SMYD2: variants seen among roughly 807,000 people sequenced by gnomAD.
SMYD2 encodes the protein SET and MYND domain containing 2.
A neutral mutation model predicts 59.1 loss-of-function variants in SMYD2; 53 were observed. The observed-to-expected ratio is 0.90, with a 90% confidence interval of 0.72 to 1.13. SMYD2 has a LOEUF of 1.13. SMYD2 is among the 50% of genes most tolerant of loss of function. The probability of loss-of-function intolerance (pLI) is 0.00; values close to 1 mark genes in which losing one functional copy is unlikely to be tolerated. For missense variants in SMYD2, 494 were observed against 544.7 expected, an observed-to-expected ratio of 0.91 and a Z score of 0.93; for synonymous variants, 208 against 198.8, an observed-to-expected ratio of 1.05 and a Z score of -0.39.
At chr1:214,300,326 T>C (rs1208259075) in intron 1 of SMYD2, among the ~76,000 whole-genome samples, 4 of 152,118 alleles carry the variant, frequency 2.6e-5, no homozygotes, top group Non-Finnish European at 5.9e-5. Context: ...ACATGTAGGC[T>C]CACGATACTG....
chr1:214,334,419 C>A, intron 11 of SMYD2, 111 bp downstream of exon 11: 2 of 960,428 alleles, frequency 2.1e-6, no homozygotes, highest in Non-Finnish European at 1.6e-6. Flanking sequence ...GTGAGCAGCT[C>A]TCACCCACCC....
Position 214,311,241 on chromosome 1 carries a change from A to T in SMYD2, c.238-3521A>T, listed in dbSNP as rs574186671. Among the ~76,000 whole-genome samples, 6 of 152,310 alleles carry T rather than the reference A, an allele frequency of 3.9e-5. No individual in the cohort carries two copies. The South Asian group carries it at 1.2e-3, about 32-fold the overall frequency. ...ATGAATGAATGAATGAGCAATTACC[A>T]ATGTTTCAGAGCGCAGCCTGTGCCG... On this transcript the variant is annotated intron_variant, in intron 2 of 11. Transcript: ENST00000366957.
intron 6 of SMYD2, among the ~76,000 whole-genome samples, chr1:214,325,522 A>G (rs1342241378): frequency 6.6e-6 from 1 of 152,214 alleles, no homozygotes; most frequent in Non-Finnish European, 1.5e-5. Flanking sequence ...AGGTTGCCAC[A>G]TAGGTAGGAA....
chr1:214,285,615 G>C (rs1020875183), intron 1 of SMYD2, among the ~76,000 whole-genome samples: 2 of 152,262 alleles, frequency 1.3e-5, no homozygotes, highest in Admixed American at 1.3e-4. Context: ...TGCCATTAAA[G>C]AATGCAAAAT....
chr1:214,334,474 G>A (rs144224071), intron 11 of SMYD2, among the ~76,000 whole-genome samples, 166 bp downstream of exon 11: 1 of 152,134 alleles, frequency 6.6e-6, no homozygotes, highest in African/African-American at 2.4e-5. Context: ...GGTGAGGGGG[G>A]AGTGAGAGAG....
chr1:214,327,816 G>A, intron 7 of SMYD2, 92 bp downstream of exon 7: 1 of 1,099,126 alleles, frequency 9.1e-7, no homozygotes, highest in South Asian at 1.3e-5. Context: ...TCACTTGACA[G>A]TATGAGTTGT....
intron 5 of SMYD2, among the ~76,000 whole-genome samples, chr1:214,320,190 A>G (rs1180523298): frequency 6.6e-6 from 1 of 152,266 alleles, no homozygotes; most frequent in East Asian, 1.9e-4. Flanking sequence ...AACCTTTATA[A>G]GTTACGTTTC....
At chr1:214,322,666 G>A (rs1353178124) in intron 5 of SMYD2, among the ~76,000 whole-genome samples, 1 of 152,124 alleles carries the variant, frequency 6.6e-6, no homozygotes, top group Non-Finnish European at 1.5e-5. Flanking sequence ...AATTTTAGAA[G>A]GAACATGGTA....
intron 1 of SMYD2, among the ~76,000 whole-genome samples, chr1:214,301,805 G>C (rs1176072959): frequency 7.3e-6 from 1 of 137,914 alleles, no homozygotes; most frequent in Admixed American, 7.2e-5. Context: ...ATTTTTCCAA[G>C]AAGAAAGTGG....
At chr1:214,286,885 C>T (rs933050800) in intron 1 of SMYD2, among the ~76,000 whole-genome samples, 3 of 148,450 alleles carry the variant, frequency 2.0e-5, no homozygotes, top group Non-Finnish European at 3.0e-5. Context: ...GAGTCTCACT[C>T]TGTCACCCAG....
chr1:214,307,617 G>C (rs144682298), intron 2 of SMYD2, among the ~76,000 whole-genome samples: 3 of 152,232 alleles, frequency 2.0e-5, no homozygotes, highest in Admixed American at 2.0e-4. Flanking sequence ...AGTTAGCTCC[G>C]AGTCTGAGTC....
chr1:214,334,571 C>T (rs1049531107), intron 11 of SMYD2, among the ~76,000 whole-genome samples: 1 of 152,138 alleles, frequency 6.6e-6, no homozygotes, highest in Admixed American at 6.5e-5. Flanking sequence ...ACAGGCCCAG[C>T]CTGTGCCTGG....
rs2102468958 is a variant in SMYD2 at position 214,314,890 on chromosome 1, T to C, written c.348+18T>C. The C allele has an allele frequency of 6.4e-7, 1 of 1,562,030 alleles. No individual in the cohort carries two copies. The highest frequency in any genetic ancestry group is 1.4e-5 in the African/African-American group (1 of 73,836). On this transcript the variant is annotated intron_variant, in intron 3 of 11. Coordinates refer to ENST00000366957, the MANE Select transcript of SMYD2 (RefSeq NM_020197.3). The stretch of plus-strand genomic sequence containing the variant: ...CCAAACAGGTGAGGAAATGGGACAA[T>C]GTTCAAGTGCATTTTATTTTGTTTT...
Position 214,337,031 on chromosome 1 carries a change from T to G in SMYD2, c.*247T>G, listed in dbSNP as rs1558060192. 1 of 385,144 alleles carries G rather than the reference T, an allele frequency of 2.6e-6. No individual in the cohort carries two copies. The highest frequency in any genetic ancestry group is 4.8e-5 in the Admixed American group (1 of 20,988). 23.9% of individuals were successfully genotyped at this position (385,144 alleles called of 1,614,324 possible). On this transcript the variant is annotated 3_prime_UTR_variant, in exon 12 of 12. Transcript: ENST00000366957. Reference sequence around the variant, plus strand: ...TGGCATGGTTTCATATGTTATACTTTGGACAGACAGAGTTTTAAAAATGGA... The same window carrying G: ...TGGCATGGTTTCATATGTTATACTTGGGACAGACAGAGTTTTAAAAATGGA...
At chr1:214,282,465 GA>G (rs550104174) in intron 1 of SMYD2, among the ~76,000 whole-genome samples, 14 of 152,314 alleles carry the variant, frequency 9.2e-5, no homozygotes, top group African/African-American at 3.1e-4. Context: ...ACTCTGAGTA[GA>G]GACCATGATT....
chr1:214,293,749 T>C (rs533963681), intron 1 of SMYD2, among the ~76,000 whole-genome samples: 34 of 152,324 alleles, frequency 2.2e-4, no homozygotes, highest in Middle Eastern at 3.4e-3. Flanking sequence ...CGATCTCGGC[T>C]CACTGCAACC....
chr1:214,330,812 AT>A, intron 8 of SMYD2, 137 bp from the exon 9 acceptor site: 1 of 1,335,724 alleles, frequency 7.5e-7, no homozygotes, highest in Non-Finnish European at 1.0e-6. Context: ...GCATTGCCTG[AT>A]TTCCTTTCAT....
At chr1:214,334,978 C>A (rs1259584008) in intron 11 of SMYD2, among the ~76,000 whole-genome samples, 2 of 152,196 alleles carry the variant, frequency 1.3e-5, no homozygotes, top group East Asian at 1.9e-4. Context: ...GGTTTGATGG[C>A]GGCCCTGTGC....
At chr1:214,302,326 A>T (rs766007724) in intron 1 of SMYD2, among the ~76,000 whole-genome samples, 7 of 140,226 alleles carry the variant, frequency 5.0e-5, no homozygotes, top group Admixed American at 2.8e-4. Flanking sequence ...GCAACAGAGC[A>T]AGACTCCGTT....
Sources: allele counts gnomAD v4.1 joint callset (sites outside exome capture counted in the v4.1 genomes callset), GRCh38; gene constraint gnomAD v4.1.1; transcripts MANE v1.5; gene names NCBI Gene and HGNC (gene_info 2026-07-23, HGNC 2026-07-21).